The following BTD variants were observed in gnomAD, a reference collection of about 807,000 sequenced individuals.
BTD encodes the protein biocytinase.
A neutral mutation model predicts 17.7 loss-of-function variants in BTD; 13 were observed. That is an observed-to-expected ratio of 0.74 (90% CI 0.48 to 1.17). The LOEUF (loss-of-function observed/expected upper bound fraction) is 1.17, where lower values mean the gene tolerates loss of function less well. Ranked by LOEUF, BTD falls within the 50% of genes most tolerant of loss-of-function variation. The probability of loss-of-function intolerance (pLI) is 0.00; values close to 1 mark genes in which losing one functional copy is unlikely to be tolerated. For missense variants in BTD, 674 were observed against 650.4 expected (o/e 1.04, Z -0.39); for synonymous variants, 240 against 245.2 (o/e 0.98, Z 0.20).
downstream of BTD, among the ~76,000 whole-genome samples, chr3:15,655,061 C>T (rs1289741946): frequency 6.6e-6 from 1 of 152,184 alleles, no homozygotes; most frequent in African/African-American, 2.4e-5. Context: ...ACATCAGACA[C>T]GTCAAAGCCA....
In BTD at chr3:15,630,095, C is replaced by A. The variant is rs374471882; in HGVS notation, c.-16-5329C>A. The A allele has an allele frequency of 9.1e-5, 90 of 985,240 alleles. No homozygotes were observed. The South Asian group carries it at 3.6e-3, about 39-fold the overall frequency. 61.0% of individuals were successfully genotyped at this position (985,240 alleles called of 1,614,324 possible). On this transcript the variant is annotated intron_variant, in intron 1 of 3. Transcript: ENST00000643237. ...ATATTGTATGAAATTGCAACAAATT[C>A]AAAAAGATGCCATCGTGGGAGTGTG...
chr3:15,695,161 G>A (rs2125879910), intron 3 of BTD: 2 of 1,570,818 alleles, frequency 1.3e-6, no homozygotes, highest in East Asian at 4.5e-5. Flanking sequence ...AATACTAATT[G>A]GTGGGAGGGA....
chr3:15,681,599 T>C (rs1166043847), intron 3 of BTD, among the ~76,000 whole-genome samples: 6 of 152,222 alleles, frequency 3.9e-5, no homozygotes, highest in Non-Finnish European at 7.3e-5. Context: ...ACCAAAGTGA[T>C]GTTATATTTT....
chr3:15,631,531 T>C (rs1185252935), intron 1 of BTD: 3 of 1,463,974 alleles, frequency 2.0e-6, no homozygotes, highest in Non-Finnish European at 2.8e-6. Flanking sequence ...AAATATCTAG[T>C]GATTGACATA....
At chr3:15,657,168 T>C (rs147209815), downstream of BTD, among the ~76,000 whole-genome samples, 11 of 152,324 alleles carry the variant, frequency 7.2e-5, no homozygotes, top group East Asian at 2.1e-3. Context: ...TGCCAATTTC[T>C]TAAAGCTGTG....
upstream of BTD, chr3:15,601,727 G>T (rs745500619): frequency 3.8e-6 from 6 of 1,573,414 alleles, no homozygotes; most frequent in Non-Finnish European, 5.2e-6. Context: ...CAGAATGCCA[G>T]AGGGAGGCGG....
At chr3:15,604,001 G>A (rs1040028502) in intron 1 of BTD, among the ~76,000 whole-genome samples, 1 of 152,242 alleles carries the variant, frequency 6.6e-6, no homozygotes, top group African/African-American at 2.4e-5. Flanking sequence ...TTGAGTGTGT[G>A]CAGCTTTTCT....
chr3:15,604,173 G>A lies in BTD; in HGVS notation c.-17+2279G>A, dbSNP rs551202065. The stretch of plus-strand genomic sequence containing the variant: ...CTGCCCTAGCAGAGGTTCTCTATGA[G>A]GGCTCTACCCCTGCAACAAGCTTCT... On this transcript the variant is annotated intron_variant, in intron 1 of 3. Transcript: ENST00000643237. Among the ~76,000 whole-genome samples the A allele has an allele frequency of 5.9e-5, 9 of 152,354 alleles. No individual in the cohort carries two copies. The South Asian group carries it at 6.2e-4, about 11-fold the overall frequency.
At chr3:15,697,969 A>G (rs183846383) in intron 3 of BTD, among the ~76,000 whole-genome samples, 2 of 152,214 alleles carry the variant, frequency 1.3e-5, no homozygotes, top group Non-Finnish European at 1.5e-5. Flanking sequence ...GGGAGGGTGT[A>G]TATGTCCAAG....
Position 15,648,664 on chromosome 3 carries a change from G to A in BTD, c.*3176G>A, listed in dbSNP as rs2089054. On this transcript the variant is annotated 3_prime_UTR_variant, in exon 4 of 4. Coordinates refer to ENST00000643237, the MANE Select transcript of BTD (RefSeq NM_001370658.1). ...TGGAGAATATTATTGATTAAATTGC[G>A]TCTTCCCCAAAAAAGATACGTTGTA... Among the ~76,000 whole-genome samples, 88,354 of 152,056 alleles carry A rather than the reference G, an allele frequency of 0.58. 26,428 individuals carry two copies. The highest frequency in any genetic ancestry group is 0.7 in the Middle Eastern group (206 of 294).
chr3:15,644,840 C>G lies in BTD; in HGVS notation c.924C>G (p.Pro308=), dbSNP rs1180545751. ...ESFWYHDMEN[P]KSHLIIAQVA... ...TTTGGTACCATGACATGGAAAATCC[C>G]AAAAGTCACCTTATAATTGCCCAGG... Residue 308 remains proline, a synonymous_variant, in exon 4 of 4, where the codon CCC becomes CCG. Coordinates refer to ENST00000643237, the MANE Select transcript of BTD (RefSeq NM_001370658.1). The G allele has an allele frequency of 6.2e-7, 1 of 1,614,172 alleles. No individual in the cohort carries two copies. The highest frequency in any genetic ancestry group is 1.1e-5 in the South Asian group (1 of 91,072).
intron 1 of BTD, among the ~76,000 whole-genome samples, chr3:15,610,982 A>G (rs1369215467): frequency 6.6e-6 from 1 of 152,110 alleles, no homozygotes; most frequent in Non-Finnish European, 1.5e-5. Context: ...AGGACTCCAA[A>G]ACTCCCAGTT....
Position 15,635,487 on chromosome 3 carries a change from C to T in BTD, c.48C>T (p.Tyr16=), listed in dbSNP as rs201823743. 122 of 1,614,206 alleles carry T rather than the reference C, an allele frequency of 7.6e-5. No homozygotes were observed. The highest frequency in any genetic ancestry group is 8.8e-5 in the Non-Finnish European group (104 of 1,180,032). ...SKLALFLCGC[Y]VVALGAHTGE... is the part of the protein sequence containing the mutation. ...TTGCTCTTTTCCTCTGCGGCTGTTA[C>T]GTGGTTGCCCTGGGAGCCCACACCG... is the stretch of plus-strand genomic sequence containing the variant. Residue 16 remains tyrosine (Y), a synonymous_variant, in exon 2 of 4, where the codon TAC becomes TAT. Coordinates refer to ENST00000643237, the MANE Select transcript of BTD (RefSeq NM_001370658.1). The surrounding 1 kb of genome is among the most constrained non-coding windows in gnomAD (Gnocchi z 4.1).
intron 3 of BTD, among the ~76,000 whole-genome samples, chr3:15,664,114 C>T (rs953099504): frequency 6.6e-6 from 1 of 152,162 alleles, no homozygotes; most frequent in Non-Finnish European, 1.5e-5. Context: ...GTTGGCCAGG[C>T]TGGTCTCGAT....
At position 15,649,082 on chromosome 3, in the gene BTD, AC is replaced by A. The variant is rs1302686800; in HGVS notation, c.*3597del. Among the ~76,000 whole-genome samples, 1 of 152,234 alleles carries A rather than the reference AC, an allele frequency of 6.6e-6. No homozygotes were observed. Among genetic ancestry groups the A allele is most frequent in the African/African-American group, 2.4e-5 (1 of 41,464 alleles). ...CAATAAGTTTCTGTTGTTTGAAGCCACCCAGTTCAGGGTACTTTGATATGGC... is the reference window on the plus strand; with the variant it reads ...CAATAAGTTTCTGTTGTTTGAAGCCACCAGTTCAGGGTACTTTGATATGGC... On this transcript the variant is annotated 3_prime_UTR_variant, in exon 4 of 4. Transcript: ENST00000643237.
chr3:15,678,398 T>A (rs963976883), intron 3 of BTD: 8 of 1,534,442 alleles, frequency 5.2e-6, no homozygotes, highest in Non-Finnish European at 6.2e-6. Flanking sequence ...ATTTGAATGT[T>A]ATATATGCTG....
intron 3 of BTD, among the ~76,000 whole-genome samples, chr3:15,704,901 TA>T (rs1372802973): frequency 1.3e-5 from 2 of 152,152 alleles, no homozygotes; most frequent in African/African-American, 2.4e-5. Flanking sequence ...TGATACTTAA[TA>T]AAGATAGGAA....
At chr3:15,605,074 C>A (rs575634052) in intron 1 of BTD, among the ~76,000 whole-genome samples, 1 of 152,176 alleles carries the variant, frequency 6.6e-6, no homozygotes, top group Non-Finnish European at 1.5e-5. Context: ...TCCACAGTTT[C>A]GGCTGTCTTT....
At chr3:15,684,501 A>T (rs1220813635) in intron 3 of BTD, 1 of 152,220 alleles carries the variant, frequency 6.6e-6, no homozygotes, top group Non-Finnish European at 1.5e-5. Flanking sequence ...GTGCTCAGAA[A>T]ACATACATAG....
Sources: gnomAD v4.1 joint callset for allele counts (sites outside exome capture counted in the v4.1 genomes callset) on GRCh38, gnomAD v4.1.1 for gene constraint, Gnocchi (gnomAD v3.1) non-coding constraint, MANE v1.5 for transcripts, NCBI Gene and HGNC (gene_info 2026-07-23, HGNC 2026-07-21) for gene names.